STK32B: variants seen among roughly 807,000 people sequenced by gnomAD.
STK32B encodes the protein serine/threonine-protein kinase 32B.
A neutral mutation model predicts 52.6 loss-of-function variants in STK32B; 43 were observed. The observed-to-expected ratio is 0.82, with a 90% confidence interval of 0.64 to 1.05. The LOEUF (loss-of-function observed/expected upper bound fraction) is 1.05, where lower values mean the gene tolerates loss of function less well. Ranked by LOEUF, STK32B falls within the 50% of genes least tolerant of loss-of-function variation. The pLI is 0.00. For synonymous variants in STK32B, 238 were observed against 204.3 expected (o/e 1.17, Z -1.41); for missense variants, 621 against 534.6 (o/e 1.16, Z -1.59).
At chr4:5,455,930 C>T (rs1716470340) in intron 7 of STK32B, among the ~76,000 whole-genome samples, 1 of 152,214 alleles carries the variant, frequency 6.6e-6, no homozygotes, top group South Asian at 2.1e-4. Flanking sequence ...TGTACCACCA[C>T]ACGTGCCAGG....
chr4:5,473,305 C>T (rs1406504610), intron 11 of STK32B, among the ~76,000 whole-genome samples: 14 of 152,164 alleles, frequency 9.2e-5, no homozygotes, highest in Admixed American at 7.9e-4. Context: ...TTCAGACGTG[C>T]AGGAAGGATT....
chr4:5,323,276 A>G lies in STK32B; in HGVS notation c.261-7944A>G, dbSNP rs1317314172. On this transcript the variant is annotated intron_variant, in intron 3 of 11. Transcript: ENST00000282908. The stretch of plus-strand genomic sequence containing the variant: ...ATGGAATCACCTCCGAGGCACAGGA[A>G]ACGGTGATCACCTGCAAGTCCCCCT... Among the ~76,000 whole-genome samples, 5 of 152,268 alleles carry G rather than the reference A, an allele frequency of 3.3e-5. No individual in the cohort carries two copies. In the South Asian group the frequency reaches 1.0e-3, roughly 32 times the overall value.
chr4:5,226,617 T>A (rs1723891547), intron 3 of STK32B, among the ~76,000 whole-genome samples: 1 of 152,224 alleles, frequency 6.6e-6, no homozygotes, highest in African/African-American at 2.4e-5. Flanking sequence ...GCAGATCAAC[T>A]GTCAGAGTTT....
intron 3 of STK32B, among the ~76,000 whole-genome samples, chr4:5,328,472 C>G (rs1460426323): frequency 6.6e-6 from 1 of 152,026 alleles, no homozygotes; most frequent in Non-Finnish European, 1.5e-5. Context: ...ATTGTTATGC[C>G]TCAGGGAATA....
chr4:5,117,127 A>T (rs1341178624), intron 1 of STK32B, among the ~76,000 whole-genome samples: 2 of 152,042 alleles, frequency 1.3e-5, no homozygotes, highest in Non-Finnish European at 2.9e-5. Flanking sequence ...ATTTGAATGC[A>T]TTTTCTTTTT....
chr4:5,239,253 G>C (rs1724838333), intron 3 of STK32B, among the ~76,000 whole-genome samples: 1 of 150,660 alleles, frequency 6.6e-6, no homozygotes, highest in African/African-American at 2.5e-5. Flanking sequence ...AACTAGCACA[G>C]AGAGATATTT....
intron 11 of STK32B, among the ~76,000 whole-genome samples, chr4:5,481,130 T>C (rs1310491962): frequency 6.6e-6 from 1 of 152,208 alleles, no homozygotes; most frequent in Non-Finnish European, 1.5e-5. Context: ...ATGTTATTTC[T>C]AGTTCTAGAT....
At chr4:5,168,493 G>C in intron 3 of STK32B, 43 bp downstream of exon 3, 1 of 1,567,882 alleles carries the variant, frequency 6.4e-7, no homozygotes, top group Non-Finnish European at 8.7e-7. Context: ...TTCCCCTGTG[G>C]GGAGCCAAAT....
At chr4:5,200,238 C>G (rs1442485354) in intron 3 of STK32B, among the ~76,000 whole-genome samples, 1 of 151,474 alleles carries the variant, frequency 6.6e-6, no homozygotes, top group Non-Finnish European at 1.5e-5. Context: ...TGTTTTTGAT[C>G]TGCACTCTTC....
chr4:5,025,632 A>G, the STK32B span, among the ~76,000 whole-genome samples: 31 of 152,202 alleles, frequency 2.0e-4, no homozygotes, highest in Non-Finnish European at 3.5e-4. Context: ...ATGGTAATCC[A>G]TGGATGTATT....
chr4:5,032,497 A>AAAAAG, the STK32B span, among the ~76,000 whole-genome samples: 1 of 151,032 alleles, frequency 6.6e-6, no homozygotes, highest in Non-Finnish European at 1.5e-5. Flanking sequence ...AAAAAAAAAA[A>AAAAAG]AAAAGAAGAA....
chr4:5,344,068 G>C lies in STK32B; in HGVS notation c.434+12675G>C, dbSNP rs79982137. ...CAGTGCTGTTGGATTGCATCCATCA[G>C]TTTGGGGAAGATGAGCTGATTCGAA... On this transcript the variant is annotated intron_variant, in intron 4 of 11. Coordinates refer to ENST00000282908, the MANE Select transcript of STK32B (RefSeq NM_018401.3). Among the ~76,000 whole-genome samples the C allele has an allele frequency of 1.2e-3, 181 of 152,310 alleles. 1 individual carries two copies. The highest frequency in any genetic ancestry group is 3.4e-3 in the Middle Eastern group (1 of 294).
chr4:5,138,001 C>G (rs552314056), intron 1 of STK32B, among the ~76,000 whole-genome samples: 17 of 152,284 alleles, frequency 1.1e-4, no homozygotes, highest in African/African-American at 3.9e-4. Flanking sequence ...GGGAGTTTCT[C>G]GACAGGACAT....
intron 1 of STK32B, among the ~76,000 whole-genome samples, chr4:5,114,076 A>C (rs1454194967): frequency 6.6e-6 from 1 of 152,086 alleles, no homozygotes; most frequent in Non-Finnish European, 1.5e-5. Flanking sequence ...ACAATTCAAG[A>C]TGAGATTTGG....
chr4:5,308,611 T>A (rs1459814560), intron 3 of STK32B, among the ~76,000 whole-genome samples: 2 of 152,200 alleles, frequency 1.3e-5, no homozygotes, highest in Admixed American at 1.3e-4. Context: ...GCCAGGTGCC[T>A]TCTTCTAATT....
intron 3 of STK32B, among the ~76,000 whole-genome samples, chr4:5,265,770 AGTT>A (rs1174327141): frequency 6.6e-5 from 10 of 152,050 alleles, no homozygotes; most frequent in African/African-American, 2.4e-4. Flanking sequence ...TATGTAATCT[AGTT>A]GTTGTAAACT....
chr4:5,123,494 TG>T (rs1339403722), intron 1 of STK32B, among the ~76,000 whole-genome samples: 1 of 152,124 alleles, frequency 6.6e-6, no homozygotes. Context: ...TGTCACAGCC[TG>T]GGGGGCTTCA....
At chr4:5,238,086 A>G (rs1724758646) in intron 3 of STK32B, among the ~76,000 whole-genome samples, 1 of 152,178 alleles carries the variant, frequency 6.6e-6, no homozygotes, top group Non-Finnish European at 1.5e-5. Context: ...TAGGAAGCAT[A>G]AAAAGTTGTA....
intron 3 of STK32B, among the ~76,000 whole-genome samples, chr4:5,263,774 A>T (rs917566352): frequency 2.0e-5 from 3 of 152,200 alleles, no homozygotes; most frequent in Admixed American, 2.0e-4. Flanking sequence ...CACTCACTTT[A>T]TAGACTATTT....
Sources: allele counts gnomAD v4.1 joint callset (sites outside exome capture counted in the v4.1 genomes callset), GRCh38; gene constraint gnomAD v4.1.1; transcripts MANE v1.5; gene names NCBI Gene and HGNC (gene_info 2026-07-23, HGNC 2026-07-21).